Variants in SLC15A4 observed in about 807,000 individuals in gnomAD.
The protein encoded by SLC15A4 is solute carrier family 15 member 4.
A neutral mutation model predicts 46.1 loss-of-function variants in SLC15A4; 26 were observed. That is an observed-to-expected ratio of 0.56 (90% CI 0.41 to 0.78). The LOEUF is 0.78. SLC15A4 is among the 30% of genes least tolerant of loss of function. The pLI is 0.00. For missense variants in SLC15A4, 751 were observed against 755.7 expected (o/e 0.99, Z 0.07); for synonymous variants, 370 against 333.4 (o/e 1.11, Z -1.20).
chr12:128,807,404 T>G (rs1395736059), intron 5 of SLC15A4, among the ~76,000 whole-genome samples: 1 of 152,224 alleles, frequency 6.6e-6, no homozygotes, highest in Non-Finnish European at 1.5e-5. Flanking sequence ...ACCAAGTATC[T>G]ACTGGAAAAG....
intron 1 of SLC15A4, among the ~76,000 whole-genome samples, chr12:128,818,527 T>G (rs1219006159): frequency 6.6e-6 from 1 of 152,210 alleles, no homozygotes; most frequent in Admixed American, 6.5e-5. Context: ...CCAGGCCTCC[T>G]GCCATGAAGC....
chr12:128,814,737 TC>T, intron 2 of SLC15A4, 37 bp downstream of exon 2: 1 of 1,598,696 alleles, frequency 6.3e-7, no homozygotes, highest in Middle Eastern at 1.7e-4. Flanking sequence ...ATCGATAAAG[TC>T]CTTTCAAACA....
At chr12:128,801,103 C>T (rs777972566) in intron 5 of SLC15A4, 94 bp from the exon 6 acceptor site, 46 of 1,215,776 alleles carry the variant, frequency 3.8e-5, no homozygotes, top group Non-Finnish European at 5.1e-5. Context: ...TCGTAGCAAA[C>T]GTGATTCTGA....
rs1593021657 is a variant in SLC15A4, at chr12:128,823,909, G to A, written c.35C>T (p.Ala12Val). 1.2e-6 allele frequency: 1 copy of A among 810,150 alleles called. No individual in the cohort carries two copies. Among genetic ancestry groups the A allele is most frequent in the South Asian group, 5.4e-5 (1 of 18,478 alleles). 50.2% of individuals were successfully genotyped at this position (810,150 alleles called of 1,614,324 possible). The change falls in exon 1 of 8, where the codon GCG (alanine) becomes GTG (valine). Residue 12 changes from alanine (A) to valine (V), a missense_variant. Transcript: ENST00000266771. Reference protein sequence around the residue: ...EGSGGGAGERAPLLGARRAAA... With the variant: ...EGSGGGAGERVPLLGARRAAA... ...CGCCCGCCGCGCGCCCAGCAGCGGCGCCCGCTCGCCCGCACCGCCCCCAGA... is the reference window on the plus strand; with the variant it reads ...CGCCCGCCGCGCGCCCAGCAGCGGCACCCGCTCGCCCGCACCGCCCCCAGA...
chr12:128,809,757 G>A (rs1955632804), intron 3 of SLC15A4, 186 bp downstream of exon 3: 2 of 564,318 alleles, frequency 3.5e-6, no homozygotes, highest in South Asian at 5.4e-5. Context: ...CTTTTTCAGA[G>A]AGGCTTTAGA....
At chr12:128,810,187 G>C in intron 2 of SLC15A4, 76 bp from the exon 3 acceptor site, 1 of 1,492,094 alleles carries the variant, frequency 6.7e-7, no homozygotes, top group Non-Finnish European at 9.1e-7. Context: ...ATTAAGTTTG[G>C]AGGTAAGAAA....
Position 128,823,601 on chromosome 12 carries a change from G to A in SLC15A4, c.343C>T (p.Leu115=), listed in dbSNP as rs1253095947. ...AILLSLALYL[L]GMLAFPLLAA... ...AGCAGCGGGAAGGCCAGCATGCCCAGCAGGTAGAGCGCCAGGCTCAGCAGG... is the reference window on the plus strand; with the variant it reads ...AGCAGCGGGAAGGCCAGCATGCCCAACAGGTAGAGCGCCAGGCTCAGCAGG... The change falls in exon 1 of 8, where the codon CTG becomes TTG. Residue 115 remains leucine (L), a synonymous_variant. Coordinates refer to ENST00000266771, the MANE Select transcript of SLC15A4 (RefSeq NM_145648.4). 1 of 1,459,616 alleles carries A rather than the reference G, an allele frequency of 6.9e-7. No homozygotes were observed. Among genetic ancestry groups the A allele is most frequent in the African/African-American group, 1.5e-5 (1 of 67,864 alleles). 90.4% of individuals were successfully genotyped at this position (1,459,616 alleles called of 1,614,324 possible). A position where few individuals can be genotyped will look rare whatever the true frequency, so the allele number is the denominator to read the frequency against.
intron 5 of SLC15A4, among the ~76,000 whole-genome samples, chr12:128,808,280 G>A (rs1037771915): frequency 2.6e-5 from 4 of 152,188 alleles, no homozygotes; most frequent in Non-Finnish European, 4.4e-5. Context: ...TATCTGTAGC[G>A]GGAGGAGATG....
intron 1 of SLC15A4, 47 bp downstream of exon 1, chr12:128,823,351 G>GCAGGGGCTGGA (rs1441789628): frequency 5.3e-5 from 72 of 1,349,812 alleles, no homozygotes; most frequent in Non-Finnish European, 6.5e-5. Context: ...CTGGGGCTGG[G>GCAGGGGCTGGA]CAGGGGCTGG....
At chr12:128,819,121 T>C (rs1262285181) in intron 1 of SLC15A4, among the ~76,000 whole-genome samples, 2 of 152,166 alleles carry the variant, frequency 1.3e-5, no homozygotes, top group Non-Finnish European at 2.9e-5. Context: ...TAAAAAATAC[T>C]GGCCGAGCGC....
chr12:128,798,827 T>C (rs1955479021), intron 7 of SLC15A4, among the ~76,000 whole-genome samples: 7 of 152,220 alleles, frequency 4.6e-5, no homozygotes, highest in Admixed American at 4.6e-4. Flanking sequence ...TCTTGTCTTT[T>C]TCGTATCAGA....
chr12:128,805,745 T>G (rs1351535113), intron 5 of SLC15A4, among the ~76,000 whole-genome samples: 2 of 152,160 alleles, frequency 1.3e-5, no homozygotes, highest in African/African-American at 4.8e-5. Flanking sequence ...TTGGCCAGGC[T>G]GGTCTCAAAC....
chr12:128,812,981 C>T (rs914725976), intron 2 of SLC15A4, among the ~76,000 whole-genome samples: 2 of 152,174 alleles, frequency 1.3e-5, no homozygotes, highest in Admixed American at 6.5e-5. Context: ...AAACCCTCTC[C>T]ACACTGCCAT....
chr12:128,794,543 G>GT (rs1432565089), intron 7 of SLC15A4, among the ~76,000 whole-genome samples, 187 bp from the exon 8 acceptor site: 1 of 152,218 alleles, frequency 6.6e-6, no homozygotes. Flanking sequence ...GCTCCCTGAA[G>GT]TCAGATACAT....
At chr12:128,806,751 C>G (rs538415658) in intron 5 of SLC15A4, among the ~76,000 whole-genome samples, 261 of 152,230 alleles carry the variant, frequency 1.7e-3, no homozygotes, top group Non-Finnish European at 2.8e-3. Flanking sequence ...GTCACCAATT[C>G]AGAGGCTCTG....
intron 1 of SLC15A4, among the ~76,000 whole-genome samples, chr12:128,817,359 G>C (rs975900369): frequency 6.6e-6 from 1 of 152,174 alleles, no homozygotes; most frequent in Admixed American, 6.5e-5. Context: ...CAGAGAAATG[G>C]TTACTGAGAA....
intron 5 of SLC15A4, chr12:128,801,547 C>T (rs1955519161): frequency 6.6e-6 from 1 of 152,656 alleles, no homozygotes; most frequent in Admixed American, 6.5e-5. Flanking sequence ...AGTAAGCTGA[C>T]TTCACAAATC....
chr12:128,804,427 T>C (rs1955554620), intron 5 of SLC15A4, among the ~76,000 whole-genome samples: 1 of 152,114 alleles, frequency 6.6e-6, no homozygotes, highest in East Asian at 1.9e-4. Flanking sequence ...TTAAATAGAA[T>C]AGAATAAGTA....
intron 1 of SLC15A4, among the ~76,000 whole-genome samples, chr12:128,822,445 C>A (rs1488306054): frequency 6.6e-6 from 1 of 152,248 alleles, no homozygotes; most frequent in Non-Finnish European, 1.5e-5. Context: ...ACCTGCGAAT[C>A]CCCATGTCTG....
Sources: gnomAD v4.1 joint callset for allele counts (sites outside exome capture counted in the v4.1 genomes callset) on GRCh38, gnomAD v4.1.1 for gene constraint, MANE v1.5 for transcripts, NCBI Gene and HGNC (gene_info 2026-07-23, HGNC 2026-07-21) for gene names.